The following ACTN1 variants were observed in gnomAD, a reference collection of about 807,000 sequenced individuals.
The protein encoded by ACTN1 is actinin alpha 1.
ACTN1 carries 30 observed loss-of-function variants against 119.6 expected under a neutral mutation model. The ratio of observed to expected loss-of-function variants is 0.25; its 90% CI spans 0.19 to 0.34. ACTN1 has a LOEUF of 0.34. ACTN1 is among the 10% of genes least tolerant of loss of function. The probability of loss-of-function intolerance (pLI) is 1.00; values close to 1 mark genes in which losing one functional copy is unlikely to be tolerated. For missense variants in ACTN1, 764 were observed against 1,223.4 expected, an observed-to-expected ratio of 0.62 and a Z score of 5.60; for synonymous variants, 429 against 472.6, an observed-to-expected ratio of 0.91 and a Z score of 1.20.
intron 3 of ACTN1, among the ~76,000 whole-genome samples, chr14:68,914,851 C>T (rs1340743848): frequency 6.6e-6 from 1 of 152,110 alleles, no homozygotes; most frequent in Non-Finnish European, 1.5e-5. Flanking sequence ...GGCCACCACA[C>T]TAGAAGTGTA....
chr14:68,943,953 T>C (rs2035847577), intron 1 of ACTN1, among the ~76,000 whole-genome samples: 1 of 152,092 alleles, frequency 6.6e-6, no homozygotes, highest in Non-Finnish European at 1.5e-5. Flanking sequence ...TGGGGACTCA[T>C]CCAGCTCTGC....
At chr14:68,906,239 GT>G (rs1163291622) in intron 6 of ACTN1, among the ~76,000 whole-genome samples, 1 of 152,156 alleles carries the variant, frequency 6.6e-6, no homozygotes, top group East Asian at 1.9e-4. Flanking sequence ...GGTAAATTTT[GT>G]TTTGTATATT....
rs759548966 is a variant in ACTN1 at position 68,880,056 on chromosome 14, T to C, written c.2186A>G (p.Asn729Ser). 1.2e-6 allele frequency: 2 copies of C among 1,614,204 alleles called. No homozygotes were observed. The highest frequency in any genetic ancestry group is 1.7e-6 in the Non-Finnish European group (2 of 1,180,010). ...GGTCAGGATCTGGTTCTCTACCTCA[T>C]TGATGGTCCTGGCGATGGTGGTGAG... ...QLLTTIARTI[N>S]EVENQILTRD... Residue 729 changes from asparagine to serine, a missense_variant, in exon 18 of 22, where the codon AAT becomes AGT. Transcript: ENST00000394419. This position sits in a 1 kb window ranked among gnomAD's most constrained non-coding sequence, Gnocchi z 4.6.
intron 1 of ACTN1, among the ~76,000 whole-genome samples, chr14:68,947,940 C>G (rs1387576043): frequency 6.6e-6 from 1 of 152,214 alleles, no homozygotes; most frequent in Non-Finnish European, 1.5e-5. Flanking sequence ...AAGGCACCGC[C>G]CTCATCACAC....
At chr14:68,949,672 T>C (rs184943913) in intron 1 of ACTN1, among the ~76,000 whole-genome samples, 85 of 152,348 alleles carry the variant, frequency 5.6e-4, no homozygotes, top group African/African-American at 2.0e-3. Context: ...ACAGCAGCAC[T>C]GTTCACAACG....
chr14:68,965,327 C>T (rs7159001), intron 1 of ACTN1, among the ~76,000 whole-genome samples: 2 of 151,994 alleles, frequency 1.3e-5, no homozygotes, highest in East Asian at 1.9e-4. Flanking sequence ...CTGGGCTCTG[C>T]AAATAAACAA....
intron 1 of ACTN1, among the ~76,000 whole-genome samples, chr14:68,974,552 T>TCACA (rs5809408): frequency 0.087 from 13,031 of 149,754 alleles, 678 homozygotes; most frequent in Non-Finnish European, 0.12. Context: ...TCCTACAACA[T>TCACA]CACACACACA....
chr14:68,936,057 C>T (rs947904828), intron 1 of ACTN1, among the ~76,000 whole-genome samples: 1 of 148,806 alleles, frequency 6.7e-6, no homozygotes, highest in African/African-American at 2.4e-5. Context: ...TCCAGCTCTG[C>T]TAGCGCAAAC....
At chr14:68,911,436 C>T (rs889304870) in intron 4 of ACTN1, among the ~76,000 whole-genome samples, 2 of 152,236 alleles carry the variant, frequency 1.3e-5, no homozygotes, top group African/African-American at 4.8e-5. Flanking sequence ...ACTTGGAACT[C>T]TACATTGCTG....
At chr14:68,945,199 G>T (rs1432884396) in intron 1 of ACTN1, among the ~76,000 whole-genome samples, 10 of 146,966 alleles carry the variant, frequency 6.8e-5, no homozygotes, top group Admixed American at 6.8e-4. Flanking sequence ...AGAAAGAAAA[G>T]AAGAAGAAGA....
chr14:68,901,671 T>C (rs969216241), intron 8 of ACTN1, among the ~76,000 whole-genome samples: 1 of 151,988 alleles, frequency 6.6e-6, no homozygotes, highest in Non-Finnish European at 1.5e-5. Context: ...ACCAGGGAGG[T>C]CTGGGGGAGG....
chr14:68,890,073 G>T, intron 11 of ACTN1, 66 bp downstream of exon 11: 1 of 1,571,582 alleles, frequency 6.4e-7, no homozygotes, highest in South Asian at 1.1e-5. Flanking sequence ...CATAGTGGCT[G>T]CTGGCTGGGC....
rs141940950 is a variant in ACTN1, at chr14:68,950,455, C to CATGTGTGTGTGTGTGTGTGTGTGT, written c.106-24784_106-24783insACACACACACACACACACACACAT. ...TGTATCTTTTACCATAATATATATGCGTGTGTGTATATATATATATATAAA... is the reference window on the plus strand; with the variant it reads ...TGTATCTTTTACCATAATATATATGCATGTGTGTGTGTGTGTGTGTGTGTGTGTGTGTATATATATATATATAAA... On this transcript the variant is annotated intron_variant, in intron 1 of 21. Transcript: ENST00000394419. 3.9e-4 allele frequency among the ~76,000 whole-genome samples: 54 copies of CATGTGTGTGTGTGTGTGTGTGTGT among 137,712 alleles called. 3 individuals carry two copies. Among genetic ancestry groups the CATGTGTGTGTGTGTGTGTGTGTGT allele is most frequent in the Middle Eastern group, 3.5e-3 (1 of 284 alleles). The allele number at this position is 137,712 out of a possible 152,430, so 90.3% of individuals were successfully genotyped here.
intron 11 of ACTN1, chr14:68,887,679 T>A (rs2032129862): frequency 4.7e-6 from 6 of 1,281,722 alleles, no homozygotes; most frequent in Non-Finnish European, 6.5e-6. Flanking sequence ...AAAATGTTTC[T>A]AGAGCTACTA....
intron 1 of ACTN1, among the ~76,000 whole-genome samples, chr14:68,933,559 A>G (rs1422331460): frequency 6.6e-6 from 1 of 152,168 alleles, no homozygotes; most frequent in Admixed American, 6.5e-5. Context: ...CATGAGAGCT[A>G]CTCAATGGCA....
At chr14:68,975,047 C>A (rs567796937) in intron 1 of ACTN1, among the ~76,000 whole-genome samples, 1 of 152,238 alleles carries the variant, frequency 6.6e-6, no homozygotes, top group Non-Finnish European at 1.5e-5. Context: ...ACACAGCCTG[C>A]AGATTTTCCT....
intron 1 of ACTN1, among the ~76,000 whole-genome samples, chr14:68,972,076 C>A (rs10147976): frequency 0.2 from 30,630 of 152,106 alleles, 3,245 homozygotes; most frequent in Non-Finnish European, 0.22. Flanking sequence ...CGGAGAGAAG[C>A]AATCCCAGGC....
intron 1 of ACTN1, among the ~76,000 whole-genome samples, chr14:68,931,449 G>A (rs2035217709): frequency 6.6e-6 from 1 of 152,208 alleles, no homozygotes; most frequent in African/African-American, 2.4e-5. Context: ...ATGACCAGGA[G>A]GAGAGATGAG....
chr14:68,885,138 G>C lies in ACTN1; in HGVS notation c.1386-255C>G, dbSNP rs1002285088. Among the ~76,000 whole-genome samples, 1 of 152,142 alleles carries C rather than the reference G, an allele frequency of 6.6e-6. No individual in the cohort carries two copies. Among genetic ancestry groups the C allele is most frequent in the African/African-American group, 2.4e-5 (1 of 41,408 alleles). ...CTTCACCTCAATGGCCAATGGCAGG[G>C]AGCCCTCGAGGCCCAACGAGAAAGC... On this transcript the variant is annotated intron_variant, in intron 12 of 21. Transcript: ENST00000394419. This position sits in a 1 kb window ranked among gnomAD's most constrained non-coding sequence, Gnocchi z 5.6.
Sources: gnomAD v4.1 joint callset for allele counts (sites outside exome capture counted in the v4.1 genomes callset) on GRCh38, gnomAD v4.1.1 for gene constraint, Gnocchi (gnomAD v3.1) non-coding constraint, MANE v1.5 for transcripts, NCBI Gene and HGNC (gene_info 2026-07-23, HGNC 2026-07-21) for gene names.